Variants in CARNMT1 observed in about 807,000 individuals in gnomAD.
The protein encoded by CARNMT1 is carnosine N-methyltransferase 1.
A neutral mutation model predicts 49.6 loss-of-function variants in CARNMT1; 28 were observed. The ratio of observed to expected loss-of-function variants is 0.56; its 90% CI spans 0.42 to 0.77. The LOEUF (loss-of-function observed/expected upper bound fraction) is 0.77, where lower values mean the gene tolerates loss of function less well. CARNMT1 is among the 30% of genes least tolerant of loss of function. CARNMT1 has a pLI of 0.00. For missense variants in CARNMT1, 421 were observed against 512.6 expected (o/e 0.82, Z 1.73); for synonymous variants, 178 against 175.0 (o/e 1.02, Z -0.13).
chr9:74,984,811 CAG>C (rs1275020414), intron 7 of CARNMT1, 94 bp downstream of exon 7: 3 of 755,354 alleles, frequency 4.0e-6, no homozygotes, highest in Non-Finnish European at 6.8e-6. Flanking sequence ...GATAAGAAAA[CAG>C]AGAATTCAAA....
chr9:74,990,567 C>G (rs1285637770), intron 6 of CARNMT1, among the ~76,000 whole-genome samples: 1 of 152,146 alleles, frequency 6.6e-6, no homozygotes, highest in East Asian at 1.9e-4. Context: ...TACAGACGGA[C>G]ATATACATAT....
intron 6 of CARNMT1, among the ~76,000 whole-genome samples, chr9:74,985,568 C>T (rs1796280697): frequency 6.6e-6 from 1 of 151,770 alleles, no homozygotes; most frequent in Admixed American, 6.6e-5. Context: ...AACTCCACTT[C>T]ATCTACAATA....
chr9:74,989,376 A>C (rs1484709707), intron 6 of CARNMT1, among the ~76,000 whole-genome samples: 2 of 152,110 alleles, frequency 1.3e-5, no homozygotes, highest in Non-Finnish European at 2.9e-5. Context: ...TGACCTCAGG[A>C]GTTGTCAGGA....
chr9:75,012,065 T>C (rs752326473), intron 3 of CARNMT1, among the ~76,000 whole-genome samples: 13 of 152,144 alleles, frequency 8.5e-5, no homozygotes, highest in Non-Finnish European at 1.9e-4. Flanking sequence ...ATCCCACTTC[T>C]AAGAATTTAA....
chr9:75,001,871 A>G (rs1833368523), intron 3 of CARNMT1, among the ~76,000 whole-genome samples: 2 of 152,316 alleles, frequency 1.3e-5, no homozygotes, highest in Non-Finnish European at 1.5e-5. Context: ...CAAATCTAAT[A>G]CAGACCTTAA....
chr9:75,009,173 A>G (rs963787716), intron 3 of CARNMT1, among the ~76,000 whole-genome samples: 1 of 151,838 alleles, frequency 6.6e-6, no homozygotes, highest in Non-Finnish European at 1.5e-5. Flanking sequence ...CTCAAAATGG[A>G]TCAAAGACCT....
At chr9:74,998,838 A>T in intron 4 of CARNMT1, 62 bp from the exon 5 acceptor site, 1 of 940,552 alleles carries the variant, frequency 1.1e-6, no homozygotes, top group Non-Finnish European at 1.5e-6. Context: ...AATCCACTTT[A>T]AATACTAAAA....
intron 4 of CARNMT1, 54 bp downstream of exon 4, chr9:74,999,676 A>T: frequency 6.7e-7 from 1 of 1,494,692 alleles, no homozygotes; most frequent in South Asian, 1.2e-5. Context: ...GAAAATAGGT[A>T]AGTCAATCTG....
chr9:75,016,573 A>G, intron 2 of CARNMT1, 142 bp from the exon 3 acceptor site: 1 of 684,294 alleles, frequency 1.5e-6, no homozygotes. Context: ...GTTCAAGTGC[A>G]GCTTGAGATC....
At chr9:74,985,072 C>A (rs1662710548) in intron 6 of CARNMT1, 62 bp from the exon 7 acceptor site, 1 of 1,244,984 alleles carries the variant, frequency 8.0e-7, no homozygotes, top group Middle Eastern at 2.3e-4. Flanking sequence ...CTGTGTTACA[C>A]TGAATTCCAA....
At chr9:74,996,674 T>C in intron 5 of CARNMT1, 114 bp from the exon 6 acceptor site, 1 of 596,132 alleles carries the variant, frequency 1.7e-6, no homozygotes, top group South Asian at 2.2e-5. Context: ...TTGACAGAGA[T>C]ACAGAAGCTA....
At chr9:74,987,960 C>T (rs1304140228) in intron 6 of CARNMT1, among the ~76,000 whole-genome samples, 1 of 152,146 alleles carries the variant, frequency 6.6e-6, no homozygotes, top group Non-Finnish European at 1.5e-5. Flanking sequence ...TTACCAAGCA[C>T]CTAGCTAATG....
At chr9:75,010,150 C>T (rs914255902) in intron 3 of CARNMT1, 2 of 112,654 alleles carry the variant, frequency 1.8e-5, no homozygotes, top group Admixed American at 1.2e-4. Flanking sequence ...TTTTCTGAGA[C>T]GGAGTTTCGC....
At chr9:75,013,989 GAGA>G (rs1833773228) in intron 3 of CARNMT1, among the ~76,000 whole-genome samples, 1 of 34,392 alleles carries the variant, frequency 2.9e-5, no homozygotes, top group Non-Finnish European at 5.6e-5. Context: ...GAGAGAGAGA[GAGA>G]AAAAAAAAAA....
intron 6 of CARNMT1, among the ~76,000 whole-genome samples, chr9:74,986,458 T>C (rs1832842562): frequency 6.6e-6 from 1 of 152,196 alleles, no homozygotes; most frequent in African/African-American, 2.4e-5. Context: ...CCAGTAAAAA[T>C]GATTGTTTTC....
At chr9:74,999,900 CCCCT>C in intron 3 of CARNMT1, 30 bp from the exon 4 acceptor site, 1 of 1,561,308 alleles carries the variant, frequency 6.4e-7, no homozygotes, top group Admixed American at 2.1e-5. Flanking sequence ...TTATGTCCAA[CCCCT>C]CAAAGAAAAA....
chr9:75,007,580 T>C (rs548644592), intron 3 of CARNMT1, among the ~76,000 whole-genome samples: 49 of 151,468 alleles, frequency 3.2e-4, no homozygotes, highest in Non-Finnish European at 5.2e-4. Context: ...AATACAAAAA[T>C]TAGCCAGGTG....
At chr9:75,010,865 G>C (rs1158900289) in intron 3 of CARNMT1, among the ~76,000 whole-genome samples, 12 of 99,712 alleles carry the variant, frequency 1.2e-4, no homozygotes, top group Admixed American at 5.9e-4. Flanking sequence ...TTTTATTCTG[G>C]GTTGATGAAA....
At chr9:75,010,419 C>T (rs1404830967) in intron 3 of CARNMT1, among the ~76,000 whole-genome samples, 1 of 152,122 alleles carries the variant, frequency 6.6e-6, no homozygotes, top group Non-Finnish European at 1.5e-5. Flanking sequence ...GCTATCACCC[C>T]AGGCCAAGAA....
Sources: gnomAD v4.1 joint callset for allele counts (sites outside exome capture counted in the v4.1 genomes callset) on GRCh38, gnomAD v4.1.1 for gene constraint, MANE v1.5 for transcripts, NCBI Gene and HGNC (gene_info 2026-07-23, HGNC 2026-07-21) for gene names.